EPHA3: variants seen among roughly 807,000 people sequenced by gnomAD.
The protein encoded by EPHA3 is ephrin type-A receptor 3.
In EPHA3, 42 loss-of-function variants were observed where a neutral mutation model predicts 107.1. That is an observed-to-expected ratio of 0.39 (90% CI 0.31 to 0.51). The LOEUF (loss-of-function observed/expected upper bound fraction) is 0.51, where lower values mean the gene tolerates loss of function less well. EPHA3 is among the 20% of genes least tolerant of loss of function. EPHA3 has a pLI of 0.78. For missense variants in EPHA3, 1,183 were observed against 1,211.2 expected (o/e 0.98, Z 0.35); for synonymous variants, 461 against 424.8 (o/e 1.09, Z -1.05).
At chr3:89,436,506 C>T (rs1186970261) in intron 13 of EPHA3, among the ~76,000 whole-genome samples, 1 of 152,074 alleles carries the variant, frequency 6.6e-6, no homozygotes, top group Admixed American at 6.6e-5. Flanking sequence ...GTAGGTAGAG[C>T]GTAGTTGCAC....
intron 3 of EPHA3, among the ~76,000 whole-genome samples, chr3:89,266,495 C>T (rs1196573011): frequency 1.3e-5 from 2 of 152,096 alleles, no homozygotes; most frequent in Non-Finnish European, 2.9e-5. Flanking sequence ...TAGCATAACA[C>T]ATAAATCAGT....
chr3:89,385,562 T>A (rs114683964), intron 5 of EPHA3, among the ~76,000 whole-genome samples: 1,655 of 152,332 alleles, frequency 0.011, 29 homozygotes, highest in African/African-American at 0.037. Flanking sequence ...CCTGAAGAAC[T>A]GTGAGTTGAT....
At chr3:89,269,938 T>C (rs1705627856) in intron 3 of EPHA3, among the ~76,000 whole-genome samples, 1 of 151,780 alleles carries the variant, frequency 6.6e-6, no homozygotes, top group Non-Finnish European at 1.5e-5. Context: ...CTCACAAGAT[T>C]TTCATTTACA....
chr3:89,475,735 C>A (rs1484378908), intron 16 of EPHA3, among the ~76,000 whole-genome samples: 1 of 152,174 alleles, frequency 6.6e-6, no homozygotes, highest in East Asian at 1.9e-4. Flanking sequence ...CCTTGGATGC[C>A]ATTTTCAAAG....
At position 89,449,328 on chromosome 3, in the gene EPHA3, TG is replaced by T; in HGVS notation, c.2451del (p.Met818CysfsTer16). On this transcript the variant is annotated frameshift_variant, in exon 14 of 17. Coordinates refer to ENST00000336596, the MANE Select transcript of EPHA3 (RefSeq NM_005233.6). LOFTEE classifies it high-confidence loss of function. The part of the protein sequence containing the change: ...VWSYGIVLWE[V>X]MSYGERPYWE... The stretch of plus-strand genomic sequence containing the variant: ...AGTTATGGGATTGTTCTCTGGGAGG[TG>T]ATGTCTTATGGAGAGAGACCATACT... 6.2e-7 allele frequency: 1 copy of T among 1,609,476 alleles called. No individual in the cohort carries two copies. Among genetic ancestry groups the T allele is most frequent in the South Asian group, 1.1e-5 (1 of 90,528 alleles).
intron 3 of EPHA3, among the ~76,000 whole-genome samples, chr3:89,306,082 GCTTT>G (rs1385792040): frequency 1.3e-5 from 2 of 152,004 alleles, no homozygotes. Flanking sequence ...CATTGCCAGT[GCTTT>G]CTGATTGCTT....
chr3:89,111,477 T>G (rs1707106353), intron 1 of EPHA3, among the ~76,000 whole-genome samples: 1 of 151,946 alleles, frequency 6.6e-6, no homozygotes, highest in East Asian at 1.9e-4. Context: ...TTTTTGTAAT[T>G]TAATAGCTCT....
At chr3:89,131,559 C>A (rs1704207685) in intron 2 of EPHA3, among the ~76,000 whole-genome samples, 3 of 152,146 alleles carry the variant, frequency 2.0e-5, no homozygotes, top group Admixed American at 2.0e-4. Context: ...GGTTGAGCTA[C>A]ACAGTTTTCA....
chr3:89,472,776 G>A (rs1016983405), intron 16 of EPHA3, among the ~76,000 whole-genome samples, 157 bp downstream of exon 16: 17 of 152,074 alleles, frequency 1.1e-4, no homozygotes, highest in African/African-American at 4.1e-4. Context: ...CAGGGCCCTG[G>A]GTCTCCTTGT....
At chr3:89,301,329 G>A (rs1706483294) in intron 3 of EPHA3, among the ~76,000 whole-genome samples, 1 of 151,924 alleles carries the variant, frequency 6.6e-6, no homozygotes, top group Non-Finnish European at 1.5e-5. Flanking sequence ...TATATAATGG[G>A]AAAATTTTTG....
At chr3:89,129,166 G>A (rs1033438376) in intron 2 of EPHA3, among the ~76,000 whole-genome samples, 2 of 152,006 alleles carry the variant, frequency 1.3e-5, no homozygotes, top group Non-Finnish European at 2.9e-5. Context: ...TCCCATCTCT[G>A]GCCCAATTTA....
chr3:89,206,641 A>T (rs1321042666), intron 2 of EPHA3, among the ~76,000 whole-genome samples: 8 of 152,142 alleles, frequency 5.3e-5, no homozygotes, highest in Admixed American at 5.2e-4. Context: ...TTGGAGCACC[A>T]AGTCTGTTGA....
intron 3 of EPHA3, among the ~76,000 whole-genome samples, chr3:89,223,868 C>T (rs1168064447): frequency 1.3e-5 from 2 of 151,862 alleles, no homozygotes; most frequent in Admixed American, 6.6e-5. Flanking sequence ...AATATAGTAA[C>T]GAATTTTTTA....
chr3:89,328,051 T>A (rs1707206761), intron 3 of EPHA3, among the ~76,000 whole-genome samples: 1 of 151,894 alleles, frequency 6.6e-6, no homozygotes, highest in South Asian at 2.1e-4. Context: ...TCAGCCGAGA[T>A]CATGCCACGG....
intron 11 of EPHA3, among the ~76,000 whole-genome samples, chr3:89,426,366 C>T (rs180761529): frequency 3.3e-5 from 5 of 151,920 alleles, no homozygotes; most frequent in Admixed American, 1.3e-4. Context: ...AAGGGAAACC[C>T]TAAGTCAAGA....
At chr3:89,121,603 A>G (rs1209837812) in intron 1 of EPHA3, among the ~76,000 whole-genome samples, 1 of 152,052 alleles carries the variant, frequency 6.6e-6, no homozygotes, top group Non-Finnish European at 1.5e-5. Context: ...CTAAAAGTAC[A>G]AAAATTAGCT....
chr3:89,345,523 C>G (rs1169542946), intron 5 of EPHA3, among the ~76,000 whole-genome samples: 5 of 150,928 alleles, frequency 3.3e-5, no homozygotes, highest in Non-Finnish European at 5.9e-5. Context: ...ACCCCCATCT[C>G]TCTTTCTATG....
chr3:89,272,282 A>T (rs1477442834), intron 3 of EPHA3, among the ~76,000 whole-genome samples: 5 of 150,006 alleles, frequency 3.3e-5, no homozygotes, highest in Admixed American at 1.3e-4. Context: ...ATGTATTACC[A>T]TTTTTTTTTG....
chr3:89,443,911 G>GGGT (rs1236361544), intron 13 of EPHA3, among the ~76,000 whole-genome samples: 1 of 151,824 alleles, frequency 6.6e-6, no homozygotes, highest in Non-Finnish European at 1.5e-5. Flanking sequence ...CCCAGTTACA[G>GGGT]AAAAAAGGAA....
Sources: allele counts gnomAD v4.1 joint callset (sites outside exome capture counted in the v4.1 genomes callset), GRCh38; gene constraint gnomAD v4.1.1; transcripts MANE v1.5; gene names NCBI Gene and HGNC (gene_info 2026-07-23, HGNC 2026-07-21).